SEPTIN14: variants seen among roughly 807,000 people sequenced by gnomAD.
SEPTIN14 encodes septin-14.
SEPTIN14 carries 40 observed loss-of-function variants against 53.6 expected under a neutral mutation model. That is an observed-to-expected ratio of 0.75 (90% CI 0.58 to 0.97). SEPTIN14 has a LOEUF of 0.97. Among genes scored for constraint, SEPTIN14 ranks in the 50% least tolerant of loss-of-function variants. The pLI is 0.00. For missense variants in SEPTIN14, 471 were observed against 508.2 expected, an observed-to-expected ratio of 0.93 and a Z score of 0.70; for synonymous variants, 138 against 166.8, an observed-to-expected ratio of 0.83 and a Z score of 1.33.
rs1789369094 is a variant in SEPTIN14, at chr7:55,844,606, A to G, written c.288T>C (p.Tyr96=). ...YSNVGLQIQT[Y]ELQESNVQLK... is the part of the protein sequence containing the mutation. ...ACTGAACATTGCTTTCCTGAAGTTC[A>G]TATGTCTGAATTTGAAGTCCAACAT... Residue 96 remains tyrosine, a synonymous_variant, in exon 4 of 10, where the codon TAT becomes TAC. Coordinates refer to ENST00000388975, the MANE Select transcript of SEPTIN14 (RefSeq NM_207366.3). The G allele has an allele frequency of 1.9e-6, 3 of 1,610,440 alleles. No individual in the cohort carries two copies. The highest frequency in any genetic ancestry group is 3.3e-5 in the Admixed American group (2 of 59,958).
intron 7 of SEPTIN14, among the ~76,000 whole-genome samples, chr7:55,812,181 T>C (rs1788715508): frequency 6.6e-6 from 1 of 152,184 alleles, no homozygotes; most frequent in Admixed American, 6.5e-5. Context: ...TTATTCACAA[T>C]AGCTAAGATA....
At chr7:55,839,069 A>G (rs1290131665) in intron 5 of SEPTIN14, among the ~76,000 whole-genome samples, 1 of 152,132 alleles carries the variant, frequency 6.6e-6, no homozygotes, top group Non-Finnish European at 1.5e-5. Flanking sequence ...TCACATCATC[A>G]TAAGAAGAGT....
intron 5 of SEPTIN14, among the ~76,000 whole-genome samples, chr7:55,836,699 T>C (rs942411855): frequency 6.6e-6 from 1 of 151,718 alleles, no homozygotes; most frequent in Non-Finnish European, 1.5e-5. Context: ...GATTGCGCCA[T>C]TGCACTCCAG....
In SEPTIN14 at chr7:55,794,301, T is replaced by C. The variant is rs556310334; in HGVS notation, c.*1612A>G. On this transcript the variant is annotated 3_prime_UTR_variant, in exon 10 of 10. Transcript: ENST00000388975. ...CAGTTTTAATAACATTGGATTAAGA[T>C]GAAAGAATGAGAAGATAAAGGTCCC... The C allele has an allele frequency of 6.6e-6, 1 of 152,286 alleles. No homozygotes were observed. The highest frequency in any genetic ancestry group is 1.9e-4 in the East Asian group (1 of 5,184). The allele number at this position is 152,286 out of a possible 1,614,324, so 9.4% of individuals were successfully genotyped here.
Position 55,819,149 on chromosome 7 carries a change from G to T in SEPTIN14, c.795C>A (p.His265Gln). The T allele has an allele frequency of 6.3e-7, 1 of 1,584,138 alleles. No homozygotes were observed. The highest frequency in any genetic ancestry group is 8.6e-7 in the Non-Finnish European group (1 of 1,163,822). Residue 265 changes from histidine to glutamine, a missense_variant, in exon 7 of 10, where the codon CAC becomes CAA. Transcript: ENST00000388975. ...TACCTTGCAAAACTCCCCAAGGGTA[G>T]TGACGGCCTCTGACCATCCTTTTTC... ...KVGKRMVRGR[H>Q]YPWGVLQVEN...
At chr7:55,805,208 A>T in intron 9 of SEPTIN14, 50 bp downstream of exon 9, 1 of 1,518,032 alleles carries the variant, frequency 6.6e-7, no homozygotes, top group Non-Finnish European at 9.0e-7. Context: ...CCCCAAATTA[A>T]TAGGGCACCT....
Position 55,844,607 on chromosome 7 carries a change from T to G in SEPTIN14, c.287A>C (p.Tyr96Ser), listed in dbSNP as rs779605491. The G allele has an allele frequency of 9.4e-5, 152 of 1,610,068 alleles. No homozygotes were observed. The highest frequency in any genetic ancestry group is 1.3e-4 in the Non-Finnish European group (150 of 1,176,904). Residue 96 changes from tyrosine (Y) to serine (S), a missense_variant, in exon 4 of 10, where the codon TAT becomes TCT. By Grantham distance (144) the Tyr-to-Ser change is moderately radical. Coordinates refer to ENST00000388975, the MANE Select transcript of SEPTIN14 (RefSeq NM_207366.3). ...YSNVGLQIQT[Y>S]ELQESNVQLK... Reference sequence around the variant, plus strand: ...CTGAACATTGCTTTCCTGAAGTTCATATGTCTGAATTTGAAGTCCAACATT... The same window carrying G: ...CTGAACATTGCTTTCCTGAAGTTCAGATGTCTGAATTTGAAGTCCAACATT...
At chr7:55,850,282 C>T (rs1252010065) in intron 2 of SEPTIN14, among the ~76,000 whole-genome samples, 1 of 151,948 alleles carries the variant, frequency 6.6e-6, no homozygotes, top group Admixed American at 6.6e-5. Flanking sequence ...GACAACCTGA[C>T]CAACATGGTG....
At chr7:55,846,215 G>A (rs1032930968) in intron 3 of SEPTIN14, among the ~76,000 whole-genome samples, 8 of 150,718 alleles carry the variant, frequency 5.3e-5, no homozygotes, top group Admixed American at 2.0e-4. Flanking sequence ...ACTACAGGTC[G>A]AGTGTGGTGT....
intron 7 of SEPTIN14, chr7:55,810,845 G>A (rs1788688494): frequency 1.6e-5 from 5 of 305,630 alleles, no homozygotes; most frequent in South Asian, 1.2e-4. Context: ...AGACCCTCGA[G>A]TCAAACCTGG....
chr7:55,804,134 TAAAAAAAA>T lies in SEPTIN14; in HGVS notation c.1119+1116_1119+1123del, dbSNP rs35467838. Among the ~76,000 whole-genome samples, 113 of 47,060 alleles carry T rather than the reference TAAAAAAAA, an allele frequency of 2.4e-3. 2 individuals carry two copies. Among genetic ancestry groups the T allele is most frequent in the Middle Eastern group, 0.017 (1 of 58 alleles). 30.9% of individuals were successfully genotyped at this position (47,060 alleles called of 152,430 possible). On this transcript the variant is annotated intron_variant, in intron 9 of 9. Coordinates refer to ENST00000388975, the MANE Select transcript of SEPTIN14 (RefSeq NM_207366.3). ...CTGGGTAACAGAGCAAGACTCTGTC[TAAAAAAAA>T]AAAAAAAAAAAAAAAAAGTCTTCAT...
chr7:55,825,090 A>C (rs894098697), intron 6 of SEPTIN14, among the ~76,000 whole-genome samples: 2 of 152,238 alleles, frequency 1.3e-5, no homozygotes, highest in Non-Finnish European at 2.9e-5. Context: ...ACTTGAAAGC[A>C]TCCAAGATGT....
chr7:55,817,476 A>ATTTTT (rs938944299), intron 7 of SEPTIN14, among the ~76,000 whole-genome samples: 6 of 143,764 alleles, frequency 4.2e-5, no homozygotes, highest in African/African-American at 1.3e-4. Context: ...ATATATATAT[A>ATTTTT]TTTTTTTTTT....
intron 4 of SEPTIN14, among the ~76,000 whole-genome samples, chr7:55,843,793 C>T (rs1789356402): frequency 6.6e-6 from 1 of 152,196 alleles, no homozygotes; most frequent in South Asian, 2.1e-4. Flanking sequence ...GATCGCGCCA[C>T]TGCGCTCTAG....
At chr7:55,808,065 T>G (rs35132313) in intron 7 of SEPTIN14, among the ~76,000 whole-genome samples, 8,630 of 152,224 alleles carry the variant, frequency 0.057, 523 homozygotes, top group African/African-American at 0.15. Context: ...AGTAAGGGAC[T>G]TAGATACCCT....
At chr7:55,817,479 T>TTC (rs1788814502) in intron 7 of SEPTIN14, among the ~76,000 whole-genome samples, 1 of 149,392 alleles carries the variant, frequency 6.7e-6, no homozygotes, top group African/African-American at 2.5e-5. Context: ...TATATATATT[T>TTC]TTTTTTTTTG....
chr7:55,796,509 C>T (rs917649795), intron 9 of SEPTIN14, among the ~76,000 whole-genome samples: 7 of 151,946 alleles, frequency 4.6e-5, no homozygotes, highest in Admixed American at 2.0e-4. Flanking sequence ...GTGATCCTCC[C>T]GCTTTGGCCT....
At chr7:55,822,969 G>T (rs531047908) in intron 6 of SEPTIN14, among the ~76,000 whole-genome samples, 1 of 151,974 alleles carries the variant, frequency 6.6e-6, no homozygotes, top group Non-Finnish European at 1.5e-5. Context: ...CTAGCTATCA[G>T]CAGACCCTCG....
intron 7 of SEPTIN14, among the ~76,000 whole-genome samples, chr7:55,813,041 G>A (rs769156993): frequency 4.6e-5 from 7 of 151,382 alleles, no homozygotes; most frequent in African/African-American, 7.3e-5. Context: ...CCTCCACTTC[G>A]CAGGTTCAAG....
Sources: allele counts gnomAD v4.1 joint callset (sites outside exome capture counted in the v4.1 genomes callset), GRCh38; gene constraint gnomAD v4.1.1; transcripts MANE v1.5; gene names NCBI Gene and HGNC (gene_info 2026-07-23, HGNC 2026-07-21).